Variants in PPP1R9B observed in about 807,000 individuals in gnomAD.
PPP1R9B encodes the protein neurabin-2.
In PPP1R9B, 17 loss-of-function variants were observed where a neutral mutation model predicts 75.8. The ratio of observed to expected loss-of-function variants is 0.22; its 90% confidence interval spans 0.15 to 0.34. The LOEUF (loss-of-function observed/expected upper bound fraction) is 0.34, where lower values mean the gene tolerates loss of function less well. PPP1R9B is among the 10% of genes least tolerant of loss of function. The pLI is 1.00. For synonymous variants in PPP1R9B, 509 were observed against 535.4 expected (o/e 0.95, Z 0.68); for missense variants, 875 against 1,196.0 (o/e 0.73, Z 3.96).
intron 7 of PPP1R9B, 42 bp from the exon 8 acceptor site, chr17:50,136,239 A>G: frequency 6.5e-7 from 1 of 1,539,134 alleles, no homozygotes; most frequent in Non-Finnish European, 8.8e-7. Flanking sequence ...GGGGGCCAGC[A>G]GGAGCCAAAG....
chr17:50,145,067 G>T, intron 2 of PPP1R9B, 46 bp downstream of exon 2: 1 of 1,604,370 alleles, frequency 6.2e-7, no homozygotes, highest in Non-Finnish European at 8.5e-7. Context: ...TGAGACCCGG[G>T]TCAACCCCAG....
chr17:50,149,297 G>A lies in PPP1R9B; in HGVS notation c.1217C>T (p.Ala406Val), dbSNP rs1489386325. 10 of 1,613,042 alleles carry A rather than the reference G, an allele frequency of 6.2e-6. No homozygotes were observed. Among genetic ancestry groups the A allele is most frequent in the South Asian group, 1.1e-5 (1 of 90,996 alleles). Reference sequence around the variant, plus strand: ...GTCGTCCTCCTCCAGGGCACTGCCCGCAGAGTCCTCCCCGAGCCCACTGTA... The same window carrying A: ...GTCGTCCTCCTCCAGGGCACTGCCCACAGAGTCCTCCCCGAGCCCACTGTA... ...SAYSGLGEDS[A>V]GSALEEDDED... is the part of the protein sequence containing the mutation. The change falls in exon 1 of 10, where the codon GCG becomes GTG. Residue 406 changes from alanine to valine, a missense_variant. Coordinates refer to ENST00000612501, the MANE Select transcript of PPP1R9B (RefSeq NM_032595.5). This position sits in a 1 kb window ranked among gnomAD's most constrained non-coding sequence, Gnocchi z 7.2.
chr17:50,142,832 C>T lies in PPP1R9B; in HGVS notation c.1625+766G>A, dbSNP rs942305938. Among the ~76,000 whole-genome samples the T allele has an allele frequency of 6.6e-6, 1 of 152,184 alleles. No individual in the cohort carries two copies. The highest frequency in any genetic ancestry group is 2.4e-5 in the African/African-American group (1 of 41,434). On this transcript the variant is annotated intron_variant, in intron 3 of 9. Transcript: ENST00000612501. This position sits in a 1 kb window ranked among gnomAD's most constrained non-coding sequence, Gnocchi z 4.1. ...CAACCACAGATGCTCAATACAGGCA[C>T]ACACACTCACATGCGCAAAGACAGC...
rs1212586371 is a variant in PPP1R9B, at chr17:50,139,972, A to G, written c.1866+121T>C. On this transcript the variant is annotated intron_variant, in intron 5 of 9. Coordinates refer to ENST00000612501, the MANE Select transcript of PPP1R9B (RefSeq NM_032595.5). The surrounding 1 kb of genome is among the most constrained non-coding windows in gnomAD (Gnocchi z 5.0). ...TGAAGACAAAGAGTGTGACTGGAGG[A>G]CAGGGAATGGCACTGTGGGCTTTTT... The G allele has an allele frequency of 9.2e-7, 1 of 1,081,526 alleles. No individual in the cohort carries two copies. The highest frequency in any genetic ancestry group is 1.6e-5 in the African/African-American group (1 of 63,308). The allele number at this position is 1,081,526 out of a possible 1,614,324, so 67.0% of individuals were successfully genotyped here. A position where few individuals can be genotyped will look rare whatever the true frequency, so the allele number is the denominator to read the frequency against.
chr17:50,138,455 T>C (rs527370646), intron 7 of PPP1R9B, among the ~76,000 whole-genome samples: 2 of 152,050 alleles, frequency 1.3e-5, no homozygotes, highest in Admixed American at 6.5e-5. Context: ...TGAGGGGGTC[T>C]GTGGGTACTA....
At position 50,150,593 on chromosome 17, in the gene PPP1R9B, C is replaced by A; in HGVS notation, c.-80G>T. On this transcript the variant is annotated 5_prime_UTR_variant, in exon 1 of 10. Transcript: ENST00000612501. This position sits in a 1 kb window ranked among gnomAD's most constrained non-coding sequence, Gnocchi z 8.7. ...GCGGCTGGCCAAGTCGGGACCACCG[C>A]CCCCTCCCCCCGATAAAAGAAACCC... 8.1e-7 allele frequency: 1 copy of A among 1,240,828 alleles called. No individual in the cohort carries two copies. The highest frequency in any genetic ancestry group is 1.0e-6 in the Non-Finnish European group (1 of 990,684). The allele number at this position is 1,240,828 out of a possible 1,614,324, so 76.9% of individuals were successfully genotyped here.
chr17:50,149,110 C>A lies in PPP1R9B; in HGVS notation c.1371+33G>T. 1 of 1,318,666 alleles carries A rather than the reference C, an allele frequency of 7.6e-7. No individual in the cohort carries two copies. Among genetic ancestry groups the A allele is most frequent in the Non-Finnish European group, 9.8e-7 (1 of 1,021,696 alleles). 81.7% of individuals were successfully genotyped at this position (1,318,666 alleles called of 1,614,324 possible). A position where few individuals can be genotyped will look rare whatever the true frequency, so the allele number is the denominator to read the frequency against. The stretch of plus-strand genomic sequence containing the variant: ...GGCGGCCGCGTGCACGTGGCAGGGG[C>A]GGCGCGGGGGCAGGGCGGGGGGGCT... On this transcript the variant is annotated intron_variant, in intron 1 of 9. Transcript: ENST00000612501. This position sits in a 1 kb window ranked among gnomAD's most constrained non-coding sequence, Gnocchi z 7.2.
At position 50,135,061 on chromosome 17, in the gene PPP1R9B, G is replaced by A. The variant is rs1769862611; in HGVS notation, c.*270C>T. 4 of 532,866 alleles carry A rather than the reference G, an allele frequency of 7.5e-6. No homozygotes were observed. The highest frequency in any genetic ancestry group is 1.4e-5 in the Non-Finnish European group (4 of 294,852). 33.0% of individuals were successfully genotyped at this position (532,866 alleles called of 1,614,324 possible). ...CTTGTGTCCGTCGACCACCAGGCCA[G>A]CCCTCGGCAGCCCTCGGCCTCTGTG... On this transcript the variant is annotated 3_prime_UTR_variant, in exon 10 of 10. Transcript: ENST00000612501.
chr17:50,135,959 G>T lies in PPP1R9B; in HGVS notation c.2303+9C>A. ...CTGGGCCCAGCCCGCCCAGCCCCCA[G>T]CCACGTACTTCTGCTGGTAGTCCTT... On this transcript the variant is annotated intron_variant, in intron 8 of 9. Coordinates refer to ENST00000612501, the MANE Select transcript of PPP1R9B (RefSeq NM_032595.5). 2 of 1,034,924 alleles carry T rather than the reference G, an allele frequency of 1.9e-6. No individual in the cohort carries two copies. The highest frequency in any genetic ancestry group is 1.6e-5 in the African/African-American group (1 of 63,672). 64.1% of individuals were successfully genotyped at this position (1,034,924 alleles called of 1,614,324 possible). A position where few individuals can be genotyped will look rare whatever the true frequency, so the allele number is the denominator to read the frequency against.
In PPP1R9B at chr17:50,149,876, G is replaced by A; in HGVS notation, c.638C>T (p.Ala213Val). 3 of 1,500,104 alleles carry A rather than the reference G, an allele frequency of 2.0e-6. No individual in the cohort carries two copies. The highest frequency in any genetic ancestry group is 2.7e-6 in the Non-Finnish European group (3 of 1,131,482). The allele number at this position is 1,500,104 out of a possible 1,614,324, so 92.9% of individuals were successfully genotyped here. The change falls in exon 1 of 10, where the codon GCC becomes GTC. Residue 213 changes from alanine (A) to valine (V), a missense_variant. Ala to Val is a moderately conservative substitution (Grantham distance 64). Around this residue, in one of 4 missense-constraint regions of PPP1R9B, gnomAD observed 449 missense variants for 475.0 expected, o/e 0.95. Transcript: ENST00000612501. This position sits in a 1 kb window ranked among gnomAD's most constrained non-coding sequence, Gnocchi z 7.2. Reference sequence around the variant, plus strand: ...CCTCGAGTCGGCCTTCTCGAAGACGGCGCTGAGCTGGCTGACCGTGGGGGA... The same window carrying A: ...CCTCGAGTCGGCCTTCTCGAAGACGACGCTGAGCTGGCTGACCGTGGGGGA... ...AVSPTVSQLS[A>V]VFEKADSRTG...
chr17:50,138,621 G>A (rs1450410452), intron 7 of PPP1R9B, among the ~76,000 whole-genome samples: 1 of 152,148 alleles, frequency 6.6e-6, no homozygotes, highest in Admixed American at 6.5e-5. Flanking sequence ...CTAATATACT[G>A]ACTTTTTTTT....
rs2144448160 is a variant in PPP1R9B, at chr17:50,142,207, T to TG, written c.1626-835dup. 6.6e-6 allele frequency among the ~76,000 whole-genome samples: 1 copy of TG among 152,206 alleles called. No individual in the cohort carries two copies. Among genetic ancestry groups the TG allele is most frequent in the East Asian group, 1.9e-4 (1 of 5,166 alleles). ...GTTCAGTCTGGCCTGCTGAGGGAGA[T>TG]GGAGGGTGGGGGGCCTCTCAGACAC... On this transcript the variant is annotated intron_variant, in intron 3 of 9. Coordinates refer to ENST00000612501, the MANE Select transcript of PPP1R9B (RefSeq NM_032595.5). This position sits in a 1 kb window ranked among gnomAD's most constrained non-coding sequence, Gnocchi z 4.1.
At chr17:50,145,082 G>A in intron 2 of PPP1R9B, 31 bp downstream of exon 2, 2 of 1,611,502 alleles carry the variant, frequency 1.2e-6, no homozygotes, top group African/African-American at 1.3e-5. Context: ...CCCCAGCTGT[G>A]CGCAAGTGAC....
intron 1 of PPP1R9B, among the ~76,000 whole-genome samples, chr17:50,148,855 G>A (rs926083720): frequency 5.3e-5 from 8 of 152,262 alleles, no homozygotes; most frequent in Non-Finnish European, 1.0e-4. Context: ...GGTGTCCCAG[G>A]ACCCGCGTGG....
chr17:50,135,453 C>G (rs369799567), intron 9 of PPP1R9B, 69 bp from the exon 10 acceptor site: 6 of 1,578,890 alleles, frequency 3.8e-6, no homozygotes, highest in African/African-American at 2.7e-5. Flanking sequence ...TTCCGCCCCC[C>G]GGTGAGGACA....
In PPP1R9B at chr17:50,149,504, G is replaced by T; in HGVS notation, c.1010C>A (p.Thr337Asn). The T allele has an allele frequency of 6.3e-7, 1 of 1,595,866 alleles. No individual in the cohort carries two copies. Among genetic ancestry groups the T allele is most frequent in the Non-Finnish European group, 8.5e-7 (1 of 1,172,714 alleles). Residue 337 changes from threonine to asparagine, a missense_variant, in exon 1 of 10, where the codon ACT becomes AAT. This residue lies in a region of PPP1R9B where 449 missense variants were observed against 475.0 expected (regional missense o/e 0.95). Transcript: ENST00000612501. The surrounding 1 kb of genome is among the most constrained non-coding windows in gnomAD (Gnocchi z 7.2). ...AALENGSTVA[T>N]AASPAPEEPK... ...CTCCTCGGGCGCGGGGCTGGCTGCA[G>T]TTGCCACGGTGCTGCCATTCTCCAG... is the stretch of plus-strand genomic sequence containing the variant.
At chr17:50,147,007 C>A (rs1277371898) in intron 1 of PPP1R9B, among the ~76,000 whole-genome samples, 1 of 152,208 alleles carries the variant, frequency 6.6e-6, no homozygotes, top group East Asian at 1.9e-4. Context: ...TCTCTACAGT[C>A]TCCTGAGTCA....
In PPP1R9B at chr17:50,135,587, G is replaced by C; in HGVS notation, c.2366C>G (p.Ala789Gly). The C allele has an allele frequency of 6.2e-7, 1 of 1,611,040 alleles. No individual in the cohort carries two copies. The highest frequency in any genetic ancestry group is 1.1e-5 in the South Asian group (1 of 90,584). Residue 789 changes from alanine (A) to glycine (G), a missense_variant, in exon 9 of 10, where the codon GCC (alanine) becomes GGC (glycine). Ala to Gly is a moderately conservative substitution (Grantham distance 60). This residue lies in a region of PPP1R9B where 218 missense variants were observed against 334.6 expected (regional missense o/e 0.65). Transcript: ENST00000612501. ...GAGCTTGTCCATCTCCTCCTTTCTG[G>C]CCAGCTCCGACTCCTCCAGAACCCG... ...QRRVLEESEL[A>G]RKEEMDKLLD...
intron 7 of PPP1R9B, among the ~76,000 whole-genome samples, chr17:50,138,765 C>T (rs1912295231): frequency 6.6e-6 from 1 of 152,200 alleles, no homozygotes. Flanking sequence ...GCTGGGATCA[C>T]TGGTGTGCGC....
Sources: allele counts gnomAD v4.1 joint callset (sites outside exome capture counted in the v4.1 genomes callset), GRCh38; gene constraint gnomAD v4.1.1; regional missense constraint gnomAD v4.1.1; non-coding constraint Gnocchi (gnomAD v3.1); transcripts MANE v1.5; gene names NCBI Gene and HGNC (gene_info 2026-07-23, HGNC 2026-07-21).